Variants in DPP10 observed in about 807,000 individuals in gnomAD.
DPP10 encodes the protein inactive dipeptidyl peptidase 10.
In DPP10, 33 loss-of-function variants were observed where a neutral mutation model predicts 120.9. The ratio of observed to expected loss-of-function variants is 0.27; its 90% CI spans 0.21 to 0.37. The LOEUF (loss-of-function observed/expected upper bound fraction) is 0.37, where lower values mean the gene tolerates loss of function less well. Among genes scored for constraint, DPP10 ranks in the 10% least tolerant of loss-of-function variants. DPP10 has a pLI of 1.00. For synonymous variants in DPP10, 337 were observed against 326.1 expected (o/e 1.03, Z -0.36); for missense variants, 816 against 942.8 (o/e 0.87, Z 1.76).
At chr2:114,758,746 TTTGA>T (rs1439370207) in intron 1 of DPP10, among the ~76,000 whole-genome samples, 1 of 152,194 alleles carries the variant, frequency 6.6e-6, no homozygotes, top group Non-Finnish European at 1.5e-5. Flanking sequence ...ACAGCAAAAC[TTTGA>T]TTAATCACAC....
At position 115,780,874 on chromosome 2, in the gene DPP10, T is replaced by C. The variant is rs954974233; in HGVS notation, c.1362T>C (p.Ser454=). 9 of 1,599,862 alleles carry C rather than the reference T, an allele frequency of 5.6e-6. No individual in the cohort carries two copies. The African/African-American group carries it at 9.4e-5, about 17-fold the overall frequency. The stretch of plus-strand genomic sequence containing the variant: ...AATAACTTCCTTTTTCTTTCTCCAG[T>C]GCTTCTACTGAAGGATTATTGAATC... ...ESSPRGRQLY[S]ASTEGLLNRQ... is the part of the protein sequence containing the mutation. The change falls in exon 16 of 26, where the codon AGT becomes AGC. Residue 454 remains serine, a splice_region_variant and synonymous_variant. Transcript: ENST00000410059.
chr2:115,030,774 T>C (rs1003488562), intron 1 of DPP10, among the ~76,000 whole-genome samples: 4 of 152,026 alleles, frequency 2.6e-5, no homozygotes, highest in South Asian at 2.1e-4. Context: ...TGCATGCTGG[T>C]GAGGTTGTGG....
At chr2:115,668,022 C>A (rs2089596767) in intron 5 of DPP10, among the ~76,000 whole-genome samples, 1 of 151,818 alleles carries the variant, frequency 6.6e-6, no homozygotes, top group African/African-American at 2.4e-5. Context: ...ATTGTTTTAT[C>A]TTTTGACAGT....
rs948797393 is a variant in DPP10 at position 115,451,172 on chromosome 2, A to G, written c.272-48338A>G. Among the ~76,000 whole-genome samples, 5 of 151,898 alleles carry G rather than the reference A, an allele frequency of 3.3e-5. No homozygotes were observed. The South Asian group carries it at 6.2e-4, about 19-fold the overall frequency. On this transcript the variant is annotated intron_variant, in intron 3 of 25. Transcript: ENST00000410059. ...TTATTATTGCTTAAAAAATCTTGCC[A>G]TCTGTTTACATTGACTTACCACTTT...
intron 12 of DPP10, 102 bp from the exon 13 acceptor site, chr2:115,768,195 A>G: frequency 1.1e-6 from 1 of 929,646 alleles, no homozygotes; most frequent in Non-Finnish European, 1.6e-6. Flanking sequence ...CTAACTAATT[A>G]TAAATCAATA....
At chr2:115,432,799 A>C (rs1247020820) in intron 3 of DPP10, among the ~76,000 whole-genome samples, 1 of 151,752 alleles carries the variant, frequency 6.6e-6, no homozygotes, top group East Asian at 1.9e-4. Flanking sequence ...GAGCTACTGC[A>C]TTGAGTGGGT....
At chr2:115,037,907 T>A (rs998997632) in intron 1 of DPP10, among the ~76,000 whole-genome samples, 1 of 152,232 alleles carries the variant, frequency 6.6e-6, no homozygotes, top group Non-Finnish European at 1.5e-5. Context: ...AATGATATTA[T>A]GTGGAATGGT....
At chr2:114,652,061 T>C (rs918052366) in intron 1 of DPP10, among the ~76,000 whole-genome samples, 2 of 151,858 alleles carry the variant, frequency 1.3e-5, no homozygotes, top group African/African-American at 4.8e-5. Flanking sequence ...AAAGGGTCAG[T>C]GCGTGCAAGG....
chr2:115,336,913 A>G (rs533767105), intron 2 of DPP10, among the ~76,000 whole-genome samples: 3 of 152,134 alleles, frequency 2.0e-5, no homozygotes, highest in African/African-American at 7.2e-5. Context: ...TTTGCTAGGT[A>G]AAAATAAAGA....
At position 115,656,133 on chromosome 2, in the gene DPP10, A is replaced by AACACACAC. The variant is rs146572509; in HGVS notation, c.442-33524_442-33517dup. 2.2e-3 allele frequency among the ~76,000 whole-genome samples: 312 copies of AACACACAC among 143,320 alleles called. 3 individuals carry two copies. The highest frequency in any genetic ancestry group is 7.3e-3 in the East Asian group (36 of 4,942). 94.0% of individuals were successfully genotyped at this position (143,320 alleles called of 152,430 possible). ...TACATCTCATGTTATGTTCTTACCA[A>AACACACAC]ACACACACACACACACACACACACA... On this transcript the variant is annotated intron_variant, in intron 5 of 25. Coordinates refer to ENST00000410059, the MANE Select transcript of DPP10 (RefSeq NM_020868.6).
chr2:115,412,973 T>G (rs1021224457), intron 3 of DPP10, among the ~76,000 whole-genome samples: 1 of 152,180 alleles, frequency 6.6e-6, no homozygotes, highest in Non-Finnish European at 1.5e-5. Context: ...GTAATTCCCC[T>G]TTAAATACTA....
At chr2:115,625,050 G>T (rs1476822771) in intron 5 of DPP10, among the ~76,000 whole-genome samples, 2 of 151,118 alleles carry the variant, frequency 1.3e-5, no homozygotes, top group Non-Finnish European at 2.9e-5. Flanking sequence ...TATAAATAAC[G>T]ATATGAATTA....
chr2:115,451,675 C>T (rs1369185113), intron 3 of DPP10, among the ~76,000 whole-genome samples: 1 of 151,916 alleles, frequency 6.6e-6, no homozygotes, highest in Non-Finnish European at 1.5e-5. Flanking sequence ...GTACTTTATT[C>T]TCATTCAACA....
At chr2:114,558,392 C>T (rs993442509) in intron 1 of DPP10, among the ~76,000 whole-genome samples, 1 of 152,232 alleles carries the variant, frequency 6.6e-6, no homozygotes, top group South Asian at 2.1e-4. Flanking sequence ...GCACTTTCTG[C>T]TCTCTCTACT....
At chr2:114,972,693 GC>G (rs1235840080) in intron 1 of DPP10, among the ~76,000 whole-genome samples, 8 of 152,138 alleles carry the variant, frequency 5.3e-5, no homozygotes, top group African/African-American at 1.7e-4. Context: ...ATATCTAAAA[GC>G]TGAGAAAGAA....
At chr2:115,162,634 T>C (rs2052507719) in intron 1 of DPP10, among the ~76,000 whole-genome samples, 1 of 152,034 alleles carries the variant, frequency 6.6e-6, no homozygotes, top group Admixed American at 6.5e-5. Context: ...CATTAACGAT[T>C]AAGTGGAGCC....
intron 1 of DPP10, among the ~76,000 whole-genome samples, chr2:114,913,014 T>C (rs551823619): frequency 6.6e-6 from 1 of 152,328 alleles, no homozygotes; most frequent in Non-Finnish European, 1.5e-5. Flanking sequence ...ATCTTGTCCA[T>C]GGGATGTGGC....
At chr2:115,012,373 C>A (rs972724784) in intron 1 of DPP10, among the ~76,000 whole-genome samples, 1 of 152,100 alleles carries the variant, frequency 6.6e-6, no homozygotes, top group African/African-American at 2.4e-5. Context: ...TGGAGGCCGA[C>A]CAACACAAAA....
intron 1 of DPP10, among the ~76,000 whole-genome samples, chr2:115,029,968 A>T (rs1270008109): frequency 6.6e-6 from 1 of 152,180 alleles, no homozygotes; most frequent in Non-Finnish European, 1.5e-5. Context: ...TCCTCTTCAG[A>T]TCTCTGGAGT....
Sources: gnomAD v4.1 joint callset for allele counts (sites outside exome capture counted in the v4.1 genomes callset) on GRCh38, gnomAD v4.1.1 for gene constraint, MANE v1.5 for transcripts, NCBI Gene and HGNC (gene_info 2026-07-23, HGNC 2026-07-21) for gene names.